ABL1: variants seen among roughly 807,000 people sequenced by gnomAD.
ABL1 encodes the protein ABL proto-oncogene 1, non-receptor tyrosine kinase, also known as tyrosine-protein kinase ABL1.
A neutral mutation model predicts 94.7 loss-of-function variants in ABL1; 11 were observed. That is an observed-to-expected ratio of 0.12 (90% CI 0.07 to 0.19). ABL1 has a LOEUF of 0.19. Among genes scored for constraint, ABL1 ranks in the 10% least tolerant of loss-of-function variants. The probability of loss-of-function intolerance (pLI) is 1.00; values close to 1 mark genes in which losing one functional copy is unlikely to be tolerated. For missense variants in ABL1, 1,082 were observed against 1,489.4 expected, an observed-to-expected ratio of 0.73 and a Z score of 4.50; for synonymous variants, 656 against 622.4, an observed-to-expected ratio of 1.05 and a Z score of -0.80.
At position 130,887,644 on chromosome 9, in the gene ABL1, ATTT is replaced by A. The variant is rs1056011082; in HGVS notation, c.*1965_*1967del. The A allele has an allele frequency of 8.9e-6, 2 of 225,536 alleles. No individual in the cohort carries two copies. Among genetic ancestry groups the A allele is most frequent in the Non-Finnish European group, 1.8e-5 (2 of 113,282 alleles). The allele number at this position is 225,536 out of a possible 1,614,324, so 14.0% of individuals were successfully genotyped here. On this transcript the variant is annotated 3_prime_UTR_variant, in exon 11 of 11. Transcript: ENST00000318560. The stretch of plus-strand genomic sequence containing the variant: ...TGAATCCAAATCTGTCCTCTGTAGT[ATTT>A]TTTAAATAAATCAGTGTTTACATTA...
chr9:130,883,961 C>T lies in ABL1; in HGVS notation c.1679-8C>T, dbSNP rs1213130534. On this transcript the variant is annotated splice_polypyrimidine_tract_variant and splice_region_variant and intron_variant, in intron 10 of 10. Transcript: ENST00000318560. ...CTGGAGTTGTCAGCTCTTCCCCTTG[C>T]GTTTCAGATCCTCTGGACCATGAGC... 1.5e-5 allele frequency: 24 copies of T among 1,600,998 alleles called. No individual in the cohort carries two copies. Among genetic ancestry groups the T allele is most frequent in the East Asian group, 2.2e-5 (1 of 44,798 alleles).
chr9:130,855,137 A>G (rs2132958674), intron 3 of ABL1, 41 bp downstream of exon 3: 1 of 1,565,602 alleles, frequency 6.4e-7, no homozygotes, highest in Non-Finnish European at 8.7e-7. Flanking sequence ...GGCCCAGGGC[A>G]GGGGAACCAG....
intron 1 of ABL1, among the ~76,000 whole-genome samples, chr9:130,789,124 C>T (rs1829869073): frequency 6.6e-6 from 1 of 152,284 alleles, no homozygotes; most frequent in East Asian, 1.9e-4. Flanking sequence ...CTTGGGTTCT[C>T]TTAGAGTGGA....
intron 1 of ABL1, among the ~76,000 whole-genome samples, chr9:130,774,417 A>G (rs995177964): frequency 1.2e-4 from 18 of 152,152 alleles, no homozygotes; most frequent in African/African-American, 3.4e-4. Flanking sequence ...TCTTGGGCCT[A>G]TGAGTAGACA....
chr9:130,803,880 C>T (rs887943654), intron 1 of ABL1, among the ~76,000 whole-genome samples: 1 of 152,090 alleles, frequency 6.6e-6, no homozygotes, highest in Non-Finnish European at 1.5e-5. Flanking sequence ...TAGGCCAACA[C>T]ATCAAAGTCT....
intron 1 of ABL1, among the ~76,000 whole-genome samples, chr9:130,734,936 T>C (rs1338426989): frequency 1.3e-5 from 2 of 152,150 alleles, no homozygotes; most frequent in Non-Finnish European, 2.9e-5. Context: ...TGAAATTTTA[T>C]AATTATAAAA....
chr9:130,825,834 G>A (rs1254612096), intron 1 of ABL1, among the ~76,000 whole-genome samples: 2 of 152,184 alleles, frequency 1.3e-5, no homozygotes, highest in African/African-American at 4.8e-5. Context: ...TAAACCTTAA[G>A]GTACAGTGTT....
intron 1 of ABL1, among the ~76,000 whole-genome samples, chr9:130,839,323 A>G (rs1373298869): frequency 6.6e-6 from 1 of 152,194 alleles, no homozygotes; most frequent in Non-Finnish European, 1.5e-5. Flanking sequence ...AGCCATACAG[A>G]TACGCTTTTA....
chr9:130,806,215 G>A (rs1830123673), intron 1 of ABL1, among the ~76,000 whole-genome samples: 1 of 152,170 alleles, frequency 6.6e-6, no homozygotes, highest in African/African-American at 2.4e-5. Context: ...TTAGGAGGTA[G>A]GTCTGTGGAA....
chr9:130,863,991 C>T lies in ABL1; in HGVS notation c.822+956C>T, dbSNP rs537733218. 8.5e-5 allele frequency among the ~76,000 whole-genome samples: 13 copies of T among 152,206 alleles called. No individual in the cohort carries two copies. Among genetic ancestry groups the T allele is most frequent in the Non-Finnish European group, 1.8e-4 (12 of 68,044 alleles). On this transcript the variant is annotated intron_variant, in intron 4 of 10. Transcript: ENST00000318560. The surrounding 1 kb of genome is among the most constrained non-coding windows in gnomAD (Gnocchi z 4.3). ...GCACACATTGAGACTGGTGCAGCCA[C>T]ATGCCTGCCTTTTAGGGACTCCTTG...
intron 1 of ABL1, among the ~76,000 whole-genome samples, chr9:130,811,045 C>A (rs770107633): frequency 6.6e-6 from 1 of 151,974 alleles, no homozygotes; most frequent in Admixed American, 6.6e-5. Flanking sequence ...ACCTAGAATT[C>A]TTTTCTCAGT....
In ABL1 at chr9:130,883,959, T is replaced by C. The variant is rs548847174; in HGVS notation, c.1679-10T>C. ...GTCTGGAGTTGTCAGCTCTTCCCCTTGCGTTTCAGATCCTCTGGACCATGA... is the reference window on the plus strand; with the variant it reads ...GTCTGGAGTTGTCAGCTCTTCCCCTCGCGTTTCAGATCCTCTGGACCATGA... On this transcript the variant is annotated splice_polypyrimidine_tract_variant and intron_variant, in intron 10 of 10. Transcript: ENST00000318560. 9.6e-5 allele frequency: 153 copies of C among 1,601,054 alleles called. 1 individual carries two copies. In the Middle Eastern group the frequency reaches 1.5e-3, roughly 16 times the overall value.
At chr9:130,718,820 T>A (rs1245436597) in intron 1 of ABL1, among the ~76,000 whole-genome samples, 2 of 152,154 alleles carry the variant, frequency 1.3e-5, no homozygotes, top group African/African-American at 2.4e-5. Context: ...AGGCCAATGC[T>A]GCAGTGAGCC....
At chr9:130,861,584 T>C (rs1288349927) in intron 3 of ABL1, among the ~76,000 whole-genome samples, 1 of 152,182 alleles carries the variant, frequency 6.6e-6, no homozygotes, top group Non-Finnish European at 1.5e-5. Context: ...TAATAAGATA[T>C]TACAGTTATA....
rs765994887 is a variant in ABL1 at position 130,835,406 on chromosome 9, T to C, written c.-41T>C. On this transcript the variant is annotated 5_prime_UTR_variant, in exon 1 of 11. Coordinates refer to ENST00000318560, the MANE Select transcript of ABL1 (RefSeq NM_005157.6). The surrounding 1 kb of genome is among the most constrained non-coding windows in gnomAD (Gnocchi z 4.6). The stretch of plus-strand genomic sequence containing the variant: ...CCTGAGCCGGGCCCGCGGACCGAGC[T>C]GGGAGAGGGGTTCCGGCCCCCGACG... 1.4e-6 allele frequency: 2 copies of C among 1,413,320 alleles called. No homozygotes were observed. Among genetic ancestry groups the C allele is most frequent in the Non-Finnish European group, 9.4e-7 (1 of 1,061,336 alleles). 87.5% of individuals were successfully genotyped at this position (1,413,320 alleles called of 1,614,324 possible).
chr9:130,738,005 C>T (rs1335422534), intron 1 of ABL1, among the ~76,000 whole-genome samples: 2 of 151,810 alleles, frequency 1.3e-5, no homozygotes, highest in African/African-American at 4.8e-5. Flanking sequence ...TAATTTTTTG[C>T]GTTTTTAATA....
intron 1 of ABL1, among the ~76,000 whole-genome samples, chr9:130,787,586 G>C (rs2855181): frequency 0.22 from 32,744 of 152,026 alleles, 4,418 homozygotes; most frequent in Non-Finnish European, 0.3. Flanking sequence ...GTCTGAGAGA[G>C]GGGCTCAGGA....
exon 1 of ABL1, among the ~76,000 whole-genome samples, chr9:130,713,264 C>T (rs1164868175): frequency 6.6e-6 from 1 of 152,100 alleles, no homozygotes; most frequent in African/African-American, 2.4e-5. Context: ...GGGCAGAGAC[C>T]CCCGGGCTTG....
intron 1 of ABL1, among the ~76,000 whole-genome samples, chr9:130,791,438 G>GGT (rs1829907518): frequency 6.6e-6 from 1 of 152,068 alleles, no homozygotes; most frequent in South Asian, 2.1e-4. Context: ...ATTGTTTCTG[G>GGT]GTGTGTGTGT....
Sources: allele counts gnomAD v4.1 joint callset (sites outside exome capture counted in the v4.1 genomes callset), GRCh38; gene constraint gnomAD v4.1.1; non-coding constraint Gnocchi (gnomAD v3.1); transcripts MANE v1.5; gene names NCBI Gene and HGNC (gene_info 2026-07-23, HGNC 2026-07-21).